Variants in TESK2 observed in about 807,000 individuals in gnomAD.
TESK2 encodes the protein testis associated actin remodelling kinase 2, also known as dual specificity testis-specific protein kinase 2.
A neutral mutation model predicts 57.1 loss-of-function variants in TESK2; 39 were observed. The observed-to-expected ratio is 0.68, with a 90% CI of 0.53 to 0.89. The LOEUF (loss-of-function observed/expected upper bound fraction) is 0.89. Ranked by LOEUF, TESK2 falls within the 40% of genes least tolerant of loss-of-function variation. The probability of loss-of-function intolerance (pLI) is 0.00; values close to 1 mark genes in which losing one functional copy is unlikely to be tolerated. For synonymous variants in TESK2, 249 were observed against 267.9 expected (o/e 0.93, Z 0.69); for missense variants, 646 against 732.1 (o/e 0.88, Z 1.36).
intron 2 of TESK2, 98 bp downstream of exon 2, chr1:45,457,466 T>C (rs776346113): frequency 6.3e-6 from 7 of 1,111,900 alleles, no homozygotes; most frequent in Non-Finnish European, 9.4e-6. Context: ...ACAGCACCTT[T>C]ATTAGGCAAA....
intron 4 of TESK2, among the ~76,000 whole-genome samples, chr1:45,367,815 G>T (rs564098272): frequency 7.6e-6 from 1 of 131,216 alleles, no homozygotes; most frequent in Non-Finnish European, 1.7e-5. Context: ...CTCCCACCAC[G>T]CCCAGCTAAT....
chr1:45,489,561 G>T (rs1372803765), intron 1 of TESK2, among the ~76,000 whole-genome samples: 1 of 152,198 alleles, frequency 6.6e-6, no homozygotes, highest in Non-Finnish European at 1.5e-5. Context: ...AGGCCGAGGT[G>T]GGCGGATTGA....
chr1:45,437,953 T>C (rs142912457), intron 2 of TESK2, among the ~76,000 whole-genome samples: 110 of 152,312 alleles, frequency 7.2e-4, no homozygotes, highest in African/African-American at 2.6e-3. Flanking sequence ...AGTAGTCTTT[T>C]TGGGAGCATT....
rs79343909 is a variant in TESK2 at position 45,438,016 on chromosome 1, A to G, written c.223-16170T>C. ...TATATACTGACATCTCAGTCACCCA[A>G]TGACTCTGAAAACTGGTATGTCAGA... On this transcript the variant is annotated intron_variant, in intron 2 of 10. Coordinates refer to ENST00000372086, the MANE Select transcript of TESK2 (RefSeq NM_007170.3). Among the ~76,000 whole-genome samples the G allele has an allele frequency of 5.5e-4, 84 of 152,324 alleles. No individual in the cohort carries two copies. In the East Asian group the frequency reaches 0.013, roughly 23 times the overall value.
In TESK2 at chr1:45,440,487, G is replaced by A. The variant is rs189308838; in HGVS notation, c.222+17077C>T. Among the ~76,000 whole-genome samples, 246 of 152,166 alleles carry A rather than the reference G, an allele frequency of 1.6e-3. 3 individuals carry two copies. The highest frequency in any genetic ancestry group is 5.8e-3 in the African/African-American group (242 of 41,540). On this transcript the variant is annotated intron_variant, in intron 2 of 10. Coordinates refer to ENST00000372086, the MANE Select transcript of TESK2 (RefSeq NM_007170.3). ...CCAGCACTTTGGGAGGTCAAGGCAG[G>A]TGGATCACTTGAGGCCAGGAGTTCA...
intron 4 of TESK2, among the ~76,000 whole-genome samples, chr1:45,360,197 A>G (rs1291300807): frequency 2.0e-5 from 3 of 152,172 alleles, no homozygotes; most frequent in Non-Finnish European, 4.4e-5. Context: ...CAAGATTCAC[A>G]TTTGAGGTGC....
At chr1:45,439,958 C>A (rs1333205717) in intron 2 of TESK2, among the ~76,000 whole-genome samples, 1 of 150,312 alleles carries the variant, frequency 6.7e-6, no homozygotes. Flanking sequence ...CGCCCCCCCA[C>A]TGCCACTTTT....
chr1:45,457,629 G>C lies in TESK2; in HGVS notation c.157C>G (p.Leu53Val). ...CAGGTGAAATCATCCAAACGCGTCA[G>C]TCTGGAAAAGGCACTTATAAGAGCT... ...YRALISAFSRLTRLDDFTCEK... is the reference protein window; with the variant it reads ...YRALISAFSRVTRLDDFTCEK... Residue 53 changes from leucine to valine, a missense_variant, in exon 2 of 11, where the codon CTG becomes GTG. Transcript: ENST00000372086. 1 of 1,614,088 alleles carries C rather than the reference G, an allele frequency of 6.2e-7. No individual in the cohort carries two copies. Among genetic ancestry groups the C allele is most frequent in the Non-Finnish European group, 8.5e-7 (1 of 1,180,010 alleles).
intron 1 of TESK2, among the ~76,000 whole-genome samples, chr1:45,487,158 C>T (rs952943190): frequency 5.9e-5 from 9 of 152,050 alleles, no homozygotes; most frequent in African/African-American, 2.2e-4. Context: ...GAATCAAAGC[C>T]CATCATATGT....
At position 45,345,252 on chromosome 1, in the gene TESK2, G is replaced by A. The variant is rs768846131; in HGVS notation, c.1304C>T (p.Pro435Leu). ...SLVFDLDAPG[P>L]GTMPLADWQE... Reference sequence around the variant, plus strand: ...CCAGTCAGCCAGGGGCATAGTTCCGGGCCCTGGTGCATCCAGGTCAAATAC... The same window carrying A: ...CCAGTCAGCCAGGGGCATAGTTCCGAGCCCTGGTGCATCCAGGTCAAATAC... The change falls in exon 11 of 11, where the codon CCC becomes CTC. Residue 435 changes from proline to leucine, a missense_variant. Pro to Leu is a moderately conservative substitution (Grantham distance 98, BLOSUM62 -3). Transcript: ENST00000372086. The A allele has an allele frequency of 1.9e-6, 3 of 1,614,082 alleles. No homozygotes were observed. In the African/African-American group the frequency reaches 4.0e-5, roughly 22 times the overall value.
chr1:45,403,319 G>A (rs1649708614), intron 3 of TESK2, among the ~76,000 whole-genome samples: 1 of 151,862 alleles, frequency 6.6e-6, no homozygotes, highest in African/African-American at 2.4e-5. Flanking sequence ...AGTCCCAGAA[G>A]AACTATGAAT....
At chr1:45,404,792 C>T (rs1006948869) in intron 3 of TESK2, among the ~76,000 whole-genome samples, 2 of 152,080 alleles carry the variant, frequency 1.3e-5, no homozygotes, top group African/African-American at 4.8e-5. Context: ...ATCTGCCCAC[C>T]TTGGCCTCCC....
At chr1:45,436,066 T>G in intron 2 of TESK2, among the ~76,000 whole-genome samples, 1 of 152,040 alleles carries the variant, frequency 6.6e-6, no homozygotes, top group East Asian at 1.9e-4. Context: ...GTATGATGCC[T>G]CCAGCTTTGT....
intron 4 of TESK2, among the ~76,000 whole-genome samples, chr1:45,378,828 G>A (rs773759652): frequency 9.9e-5 from 15 of 152,246 alleles, no homozygotes; most frequent in African/African-American, 3.6e-4. Context: ...CTACCTTCCC[G>A]TGTATTTTCT....
chr1:45,475,391 G>C (rs889007497), intron 1 of TESK2, among the ~76,000 whole-genome samples: 3 of 151,926 alleles, frequency 2.0e-5, no homozygotes, highest in Admixed American at 1.3e-4. Flanking sequence ...ATTTTTAGTG[G>C]AGACGGGTTT....
intron 1 of TESK2, among the ~76,000 whole-genome samples, chr1:45,462,250 T>A (rs1049714213): frequency 6.6e-6 from 1 of 151,930 alleles, no homozygotes; most frequent in Non-Finnish European, 1.5e-5. Flanking sequence ...GTTCCATCCA[T>A]GCTGTTGCAA....
At chr1:45,404,043 C>T (rs1324294377) in intron 3 of TESK2, among the ~76,000 whole-genome samples, 1 of 152,136 alleles carries the variant, frequency 6.6e-6, no homozygotes, top group Non-Finnish European at 1.5e-5. Context: ...TTCCCAAGCC[C>T]TGAAAAAGTT....
chr1:45,484,046 G>A (rs1425130538), intron 1 of TESK2, among the ~76,000 whole-genome samples: 4 of 148,934 alleles, frequency 2.7e-5, no homozygotes, highest in African/African-American at 4.9e-5. Flanking sequence ...CACAGGGGTT[G>A]GCTTCCCAAC....
chr1:45,428,648 G>C (rs1557569721), intron 2 of TESK2, among the ~76,000 whole-genome samples: 1 of 151,862 alleles, frequency 6.6e-6, no homozygotes, highest in African/African-American at 2.4e-5. Flanking sequence ...GACCACAGCT[G>C]TGCACCACCA....
Sources: allele counts gnomAD v4.1 joint callset (sites outside exome capture counted in the v4.1 genomes callset), GRCh38; gene constraint gnomAD v4.1.1; transcripts MANE v1.5; gene names NCBI Gene and HGNC (gene_info 2026-07-23, HGNC 2026-07-21).